The following KCTD16 variants were observed in gnomAD, a reference collection of about 807,000 sequenced individuals.
The protein encoded by KCTD16 is potassium channel tetramerization domain containing 16.
A neutral mutation model predicts 33.2 loss-of-function variants in KCTD16; 13 were observed. The ratio of observed to expected loss-of-function variants is 0.39; its 90% confidence interval spans 0.25 to 0.62. KCTD16 has a LOEUF of 0.62. KCTD16 is among the 20% of genes least tolerant of loss of function. KCTD16 has a pLI of 0.50. For synonymous variants in KCTD16, 197 were observed against 195.3 expected (o/e 1.01, Z -0.07); for missense variants, 441 against 525.1 (o/e 0.84, Z 1.57).
intron 3 of KCTD16, among the ~76,000 whole-genome samples, chr5:144,284,189 A>C (rs989580521): frequency 6.6e-6 from 1 of 152,150 alleles, no homozygotes; most frequent in African/African-American, 2.4e-5. Context: ...GGATTGGGCT[A>C]TTTTCCCACT....
At chr5:144,223,542 C>T (rs370399147) in intron 3 of KCTD16, among the ~76,000 whole-genome samples, 17 of 152,110 alleles carry the variant, frequency 1.1e-4, no homozygotes, top group African/African-American at 2.7e-4. Flanking sequence ...ATAATTGTAC[C>T]GTTATGGTGT....
chr5:144,285,777 T>C (rs994678771), intron 3 of KCTD16, among the ~76,000 whole-genome samples: 4 of 152,178 alleles, frequency 2.6e-5, no homozygotes, highest in African/African-American at 9.7e-5. Context: ...TGGTATTTTG[T>C]GATTGGCATT....
At chr5:144,424,434 A>C (rs1023417692) in intron 3 of KCTD16, among the ~76,000 whole-genome samples, 3 of 152,162 alleles carry the variant, frequency 2.0e-5, no homozygotes, top group Non-Finnish European at 4.4e-5. Flanking sequence ...GTAAGTACAC[A>C]ATCCACTGAT....
intron 3 of KCTD16, among the ~76,000 whole-genome samples, chr5:144,364,742 A>G (rs568885753): frequency 6.6e-6 from 1 of 152,326 alleles, no homozygotes; most frequent in East Asian, 1.9e-4. Context: ...ATTGCCTTAT[A>G]ATTATTTTGG....
At chr5:144,347,747 C>T (rs1213738469) in intron 3 of KCTD16, among the ~76,000 whole-genome samples, 1 of 152,184 alleles carries the variant, frequency 6.6e-6, no homozygotes, top group Non-Finnish European at 1.5e-5. Flanking sequence ...TGACAGCTGT[C>T]CCTTTCCAGG....
chr5:144,263,457 C>G (rs1233437886), intron 3 of KCTD16, among the ~76,000 whole-genome samples: 1 of 152,034 alleles, frequency 6.6e-6, no homozygotes, highest in Non-Finnish European at 1.5e-5. Flanking sequence ...AGAATCGGAG[C>G]CTTTGAATAG....
At chr5:144,257,967 A>G (rs1203396803) in intron 3 of KCTD16, among the ~76,000 whole-genome samples, 1 of 152,184 alleles carries the variant, frequency 6.6e-6, no homozygotes, top group Non-Finnish European at 1.5e-5. Flanking sequence ...TTCTCCCTGG[A>G]CAATATGTAT....
At chr5:144,318,656 G>T (rs980992216) in intron 3 of KCTD16, among the ~76,000 whole-genome samples, 1 of 151,948 alleles carries the variant, frequency 6.6e-6, no homozygotes, top group Admixed American at 6.6e-5. Context: ...GTATCTCATC[G>T]GCCCTGCCTG....
intron 3 of KCTD16, among the ~76,000 whole-genome samples, chr5:144,399,490 T>G (rs982036053): frequency 6.6e-6 from 1 of 152,192 alleles, no homozygotes; most frequent in African/African-American, 2.4e-5. Flanking sequence ...TGTTTTACTT[T>G]TTTTTGGCCG....
intron 3 of KCTD16, among the ~76,000 whole-genome samples, chr5:144,456,249 G>A (rs1212236378): frequency 6.6e-6 from 1 of 151,654 alleles, no homozygotes; most frequent in Non-Finnish European, 1.5e-5. Context: ...TGTACAATAG[G>A]GATAGAATGA....
Position 144,479,087 on chromosome 5 carries a change from A to G in KCTD16, c.*4973A>G, listed in dbSNP as rs189504730. The G allele has an allele frequency of 5.3e-4, 81 of 152,066 alleles. No individual in the cohort carries two copies. The highest frequency in any genetic ancestry group is 1.8e-3 in the African/African-American group (73 of 41,506). 9.4% of individuals were successfully genotyped at this position (152,066 alleles called of 1,614,324 possible). A position where few individuals can be genotyped will look rare whatever the true frequency, so the allele number is the denominator to read the frequency against. ...GAGAGTTGTTTATTTCTAGGCCCTT[A>G]CTTAGTATGAGTGGGAGGAAATTGA... On this transcript the variant is annotated 3_prime_UTR_variant, in exon 4 of 4. Transcript: ENST00000512467.
chr5:144,416,787 C>T (rs905315719), intron 3 of KCTD16, among the ~76,000 whole-genome samples: 6 of 152,160 alleles, frequency 3.9e-5, no homozygotes, highest in African/African-American at 1.4e-4. Flanking sequence ...ATTTCTTCCT[C>T]CTACAATCTC....
chr5:144,206,856 C>A lies in KCTD16; in HGVS notation c.142C>A (p.His48Asn). Reference protein sequence around the residue: ...TRHSTLISIPHSLLWKMFSPK... With the variant: ...TRHSTLISIPNSLLWKMFSPK... ...CCATTCCACATTGATAAGCATCCCT[C>A]ATTCCCTCCTGTGGAAAATGTTTTC... is the stretch of plus-strand genomic sequence containing the variant. The change falls in exon 3 of 4, where the codon CAT (histidine) becomes AAT (asparagine). Residue 48 changes from histidine to asparagine, a missense_variant. Physicochemically the swap from His to Asn is moderately conservative, Grantham distance 68 (BLOSUM62 1). This residue lies in a region of KCTD16 where 80 missense variants were observed against 88.5 expected (regional missense o/e 0.90). Transcript: ENST00000512467. 1 of 1,614,182 alleles carries A rather than the reference C, an allele frequency of 6.2e-7. No homozygotes were observed. Among genetic ancestry groups the A allele is most frequent in the South Asian group, 1.1e-5 (1 of 91,084 alleles).
intron 3 of KCTD16, among the ~76,000 whole-genome samples, chr5:144,352,776 C>T (rs1047645675): frequency 6.6e-6 from 1 of 152,158 alleles, no homozygotes; most frequent in Non-Finnish European, 1.5e-5. Context: ...GAAGTCAGAA[C>T]ATTGAGATGA....
intron 3 of KCTD16, among the ~76,000 whole-genome samples, chr5:144,322,609 C>T (rs1479147968): frequency 6.6e-6 from 1 of 151,958 alleles, no homozygotes; most frequent in Non-Finnish European, 1.5e-5. Context: ...CCATGCCTGA[C>T]ATCACCTAAT....
chr5:144,254,124 C>CT (rs5871871), intron 3 of KCTD16, among the ~76,000 whole-genome samples: 36 of 148,134 alleles, frequency 2.4e-4, no homozygotes, highest in East Asian at 2.0e-3. Context: ...AATGCATATT[C>CT]TTTTTTTTTT....
chr5:144,369,678 G>A (rs1307565804), intron 3 of KCTD16, among the ~76,000 whole-genome samples: 1 of 152,110 alleles, frequency 6.6e-6, no homozygotes, highest in African/African-American at 2.4e-5. Flanking sequence ...GAAATAGCAA[G>A]TAGTTTAAAA....
intron 3 of KCTD16, chr5:144,385,449 ACTT>A (rs1391464160): frequency 2.6e-5 from 4 of 152,086 alleles, no homozygotes; most frequent in Admixed American, 1.3e-4. Context: ...ATCCACTTCT[ACTT>A]CTTCTGAGTG....
At chr5:144,208,056 A>T (rs1282564756) in intron 3 of KCTD16, among the ~76,000 whole-genome samples, 1 of 152,218 alleles carries the variant, frequency 6.6e-6, no homozygotes, top group Non-Finnish European at 1.5e-5. Flanking sequence ...GGCAGTACAG[A>T]CTGCTGAAAG....
Sources: gnomAD v4.1 joint callset for allele counts (sites outside exome capture counted in the v4.1 genomes callset) on GRCh38, gnomAD v4.1.1 for gene constraint, gnomAD v4.1.1 regional missense constraint, MANE v1.5 for transcripts, NCBI Gene and HGNC (gene_info 2026-07-23, HGNC 2026-07-21) for gene names.